The following ROR2 variants were observed in gnomAD, a reference collection of about 807,000 sequenced individuals.
ROR2 encodes tyrosine-protein kinase transmembrane receptor ROR2.
ROR2 carries 33 observed loss-of-function variants against 74.9 expected under a neutral mutation model. The observed-to-expected ratio is 0.44, with a 90% CI of 0.33 to 0.59. ROR2 has a LOEUF of 0.59. Among genes scored for constraint, ROR2 ranks in the 20% least tolerant of loss-of-function variants. The pLI, the probability that ROR2 is intolerant of heterozygous loss-of-function variation, is 0.02. For missense variants in ROR2, 1,216 were observed against 1,313.8 expected (o/e 0.93, Z 1.15); for synonymous variants, 586 against 558.7 (o/e 1.05, Z -0.69).
chr9:91,901,047 C>T (rs988868685), intron 1 of ROR2, among the ~76,000 whole-genome samples: 1 of 152,160 alleles, frequency 6.6e-6, no homozygotes, highest in African/African-American at 2.4e-5. Context: ...CAGACTGAAT[C>T]CAGAGCCAGG....
chr9:91,884,775 TC>T (rs2119376515), intron 1 of ROR2, among the ~76,000 whole-genome samples: 1 of 152,046 alleles, frequency 6.6e-6, no homozygotes, highest in East Asian at 1.9e-4. Context: ...AATTTTTTAG[TC>T]TTTTTTTTTT....
At chr9:91,863,627 T>C (rs962047891) in intron 1 of ROR2, among the ~76,000 whole-genome samples, 9 of 152,192 alleles carry the variant, frequency 5.9e-5, no homozygotes, top group Non-Finnish European at 1.3e-4. Flanking sequence ...TTGGGAACCT[T>C]ATGCTCAGTG....
At chr9:91,789,385 A>AG (rs1826901215) in intron 1 of ROR2, among the ~76,000 whole-genome samples, 1 of 152,232 alleles carries the variant, frequency 6.6e-6, no homozygotes, top group Non-Finnish European at 1.5e-5. Context: ...AAAGAGTACT[A>AG]GTAAAGGTAA....
intron 1 of ROR2, among the ~76,000 whole-genome samples, chr9:91,818,695 G>C (rs917693410): frequency 6.6e-6 from 1 of 152,218 alleles, no homozygotes; most frequent in African/African-American, 2.4e-5. Flanking sequence ...GTATCCATGA[G>C]AAAACAGAAA....
chr9:91,938,056 T>TA (rs2118023273), intron 1 of ROR2, among the ~76,000 whole-genome samples: 1 of 152,294 alleles, frequency 6.6e-6, no homozygotes, highest in South Asian at 2.1e-4. Flanking sequence ...GCTTCCTTGT[T>TA]AGAGTAAATA....
chr9:91,862,791 T>C (rs1829509688), intron 1 of ROR2, among the ~76,000 whole-genome samples: 1 of 152,234 alleles, frequency 6.6e-6, no homozygotes. Flanking sequence ...TCCAGAACTG[T>C]GAGAAATACA....
Position 91,817,382 on chromosome 9 carries a change from G to T in ROR2, c.98-41564C>A, listed in dbSNP as rs1315649927. Reference sequence around the variant, plus strand: ...AGACCAATGCAGCTATAGGACCACTGCAGGTGGCCGTGCAAGATAGAGACA... The same window carrying T: ...AGACCAATGCAGCTATAGGACCACTTCAGGTGGCCGTGCAAGATAGAGACA... On this transcript the variant is annotated intron_variant, in intron 1 of 8. Transcript: ENST00000375708. Among the ~76,000 whole-genome samples, 4 of 152,182 alleles carry T rather than the reference G, an allele frequency of 2.6e-5. No individual in the cohort carries two copies. In the East Asian group the frequency reaches 7.7e-4, roughly 29 times the overall value.
Position 91,941,719 on chromosome 9 carries a change from C to T in ROR2, c.97+8148G>A, listed in dbSNP as rs577268691. Among the ~76,000 whole-genome samples, 4 of 152,148 alleles carry T rather than the reference C, an allele frequency of 2.6e-5. No individual in the cohort carries two copies. In the South Asian group the frequency reaches 8.3e-4, roughly 31 times the overall value. On this transcript the variant is annotated intron_variant, in intron 1 of 8. Coordinates refer to ENST00000375708, the MANE Select transcript of ROR2 (RefSeq NM_004560.4). Reference sequence around the variant, plus strand: ...TGTATTGTACTGTCTTCTCTACCTACCCTGTGGTGTACTGTATTGTACTGT... The same window carrying T: ...TGTATTGTACTGTCTTCTCTACCTATCCTGTGGTGTACTGTATTGTACTGT...
At chr9:91,947,322 G>C (rs991441879) in intron 1 of ROR2, among the ~76,000 whole-genome samples, 3 of 152,308 alleles carry the variant, frequency 2.0e-5, no homozygotes, top group African/African-American at 7.2e-5. Context: ...ACGGCGATCA[G>C]ATTTTCAGGG....
chr9:91,766,577 T>A (rs948896677), intron 2 of ROR2, among the ~76,000 whole-genome samples: 3 of 152,208 alleles, frequency 2.0e-5, no homozygotes, highest in African/African-American at 7.2e-5. Flanking sequence ...TCTCTAGAGA[T>A]TAAGCACAAT....
chr9:91,844,783 G>T (rs1210584628), intron 1 of ROR2, among the ~76,000 whole-genome samples: 2 of 152,114 alleles, frequency 1.3e-5, no homozygotes, highest in African/African-American at 4.8e-5. Flanking sequence ...GGGTCAAAAA[G>T]GCTGTGTTTA....
chr9:91,791,619 CAT>C (rs1826979945), intron 1 of ROR2, among the ~76,000 whole-genome samples: 1 of 152,122 alleles, frequency 6.6e-6, no homozygotes, highest in South Asian at 2.1e-4. Flanking sequence ...TAAAAGGAGA[CAT>C]AGATAATTCA....
chr9:91,796,916 C>T (rs1270218476), intron 1 of ROR2, among the ~76,000 whole-genome samples: 5 of 102,866 alleles, frequency 4.9e-5, no homozygotes, highest in Admixed American at 9.1e-5. Context: ...GGGGCTGACA[C>T]CCTGGCTCTG....
At chr9:91,808,011 A>G (rs187126663) in intron 1 of ROR2, among the ~76,000 whole-genome samples, 173 of 152,264 alleles carry the variant, frequency 1.1e-3, no homozygotes, top group Admixed American at 1.6e-3. Flanking sequence ...ATTTGTTACT[A>G]TAATTATGTT....
intron 1 of ROR2, among the ~76,000 whole-genome samples, chr9:91,833,438 C>G (rs915933167): frequency 6.6e-6 from 1 of 152,152 alleles, no homozygotes; most frequent in African/African-American, 2.4e-5. Flanking sequence ...GCGGCCATGT[C>G]CTTTCAGGCG....
intron 1 of ROR2, among the ~76,000 whole-genome samples, chr9:91,874,787 T>C (rs1362198337): frequency 1.3e-5 from 2 of 151,984 alleles, no homozygotes; most frequent in Non-Finnish European, 2.9e-5. Context: ...AATACAAAAT[T>C]AGCCAGGCAT....
chr9:91,749,201 T>C (rs1236792833), intron 4 of ROR2, among the ~76,000 whole-genome samples: 5 of 152,160 alleles, frequency 3.3e-5, no homozygotes. Context: ...GGAAAGATAA[T>C]TTAGAAAAAT....
intron 1 of ROR2, among the ~76,000 whole-genome samples, chr9:91,933,228 A>G (rs1805462757): frequency 6.6e-6 from 1 of 152,148 alleles, no homozygotes; most frequent in Non-Finnish European, 1.5e-5. Context: ...AGGCAGAAGA[A>G]TCGCTTGAAC....
At chr9:91,863,458 AG>A (rs1283896951) in intron 1 of ROR2, among the ~76,000 whole-genome samples, 1 of 152,124 alleles carries the variant, frequency 6.6e-6, no homozygotes, top group African/African-American at 2.4e-5. Context: ...CACTGTCTAT[AG>A]ATAGATAGAT....
Sources: gnomAD v4.1 joint callset for allele counts (sites outside exome capture counted in the v4.1 genomes callset) on GRCh38, gnomAD v4.1.1 for gene constraint, MANE v1.5 for transcripts, NCBI Gene and HGNC (gene_info 2026-07-23, HGNC 2026-07-21) for gene names.